The following SLC4A8 variants were observed in gnomAD, a reference collection of about 807,000 sequenced individuals.
SLC4A8 encodes electroneutral sodium bicarbonate exchanger 1.
In SLC4A8, 40 loss-of-function variants were observed where a neutral mutation model predicts 125.0. The observed-to-expected ratio is 0.32, with a 90% CI of 0.25 to 0.42. The LOEUF (loss-of-function observed/expected upper bound fraction) is 0.42. SLC4A8 is among the 10% of genes least tolerant of loss of function. The probability of loss-of-function intolerance (pLI) is 1.00; values close to 1 mark genes in which losing one functional copy is unlikely to be tolerated. For synonymous variants in SLC4A8, 456 were observed against 476.0 expected, an observed-to-expected ratio of 0.96 and a Z score of 0.55; for missense variants, 863 against 1,355.1, an observed-to-expected ratio of 0.64 and a Z score of 5.70.
intron 1 of SLC4A8, among the ~76,000 whole-genome samples, chr12:51,425,674 T>G (rs988687660): frequency 1.3e-5 from 2 of 152,132 alleles, no homozygotes; most frequent in African/African-American, 4.8e-5. Context: ...GTAACTGGTA[T>G]TGGAACTGTT....
intron 21 of SLC4A8, among the ~76,000 whole-genome samples, chr12:51,495,828 A>G (rs1276270361): frequency 2.6e-5 from 4 of 152,268 alleles, no homozygotes; most frequent in East Asian, 3.9e-4. Context: ...AGGTTCATCC[A>G]TGTTGTAGCA....
Position 51,471,502 on chromosome 12 carries a change from A to G in SLC4A8, c.1874A>G (p.His625Arg). 2 of 1,614,192 alleles carry G rather than the reference A, an allele frequency of 1.2e-6. No homozygotes were observed. The highest frequency in any genetic ancestry group is 1.7e-6 in the Non-Finnish European group (2 of 1,180,012). ...GCAGAGACCTACCCCATCCACATGC[A>G]CAGCCAGCTGGACCACCTTAGCCTC... ...HLAETYPIHM[H>R]SQLDHLSLYY... The change falls in exon 14 of 25, where the codon CAC (histidine) becomes CGC (arginine). Residue 625 changes from histidine to arginine, a missense_variant. By Grantham distance (29) the His-to-Arg change is conservative (BLOSUM62 0). This residue lies in a region of SLC4A8 where 76 missense variants were observed against 80.2 expected (regional missense o/e 0.95). Transcript: ENST00000453097.
In SLC4A8 at chr12:51,470,349, A is replaced by G. The variant is rs776334650; in HGVS notation, c.1525-43A>G. On this transcript the variant is annotated intron_variant, in intron 12 of 24. Transcript: ENST00000453097. ...TGTAGCTAAGCCAACATTACTCTGT[A>G]CTGATGGGCTATGGACTCAGTGATG... The G allele has an allele frequency of 2.5e-6, 4 of 1,602,046 alleles. No homozygotes were observed. In the East Asian group the frequency reaches 6.7e-5, roughly 27 times the overall value.
chr12:51,395,354 G>A (rs1290208537), intron 1 of SLC4A8, among the ~76,000 whole-genome samples: 3 of 150,484 alleles, frequency 2.0e-5, no homozygotes, highest in Non-Finnish European at 3.0e-5. Flanking sequence ...TTTTTCTCAC[G>A]ATCTTATTTT....
chr12:51,432,785 T>C (rs937253899), intron 1 of SLC4A8, among the ~76,000 whole-genome samples: 8 of 152,108 alleles, frequency 5.3e-5, no homozygotes, highest in African/African-American at 1.9e-4. Flanking sequence ...TTGAAATGGT[T>C]GAATGTATTA....
At chr12:51,500,881 T>C (rs1202983026) in intron 22 of SLC4A8, among the ~76,000 whole-genome samples, 1 of 151,424 alleles carries the variant, frequency 6.6e-6, no homozygotes, top group Admixed American at 6.6e-5. Flanking sequence ...TCTTTCTTTA[T>C]TTTTATTATT....
intron 1 of SLC4A8, among the ~76,000 whole-genome samples, chr12:51,417,838 G>C (rs148114183): frequency 0.031 from 4,721 of 152,224 alleles, 231 homozygotes; most frequent in African/African-American, 0.11. Flanking sequence ...TTTTAGTAGA[G>C]ACAGGGTTTT....
At position 51,395,898 on chromosome 12, in the gene SLC4A8, A is replaced by G. The variant is rs78437216; in HGVS notation, c.-112+4410A>G. 6.6e-4 allele frequency among the ~76,000 whole-genome samples: 101 copies of G among 152,346 alleles called. 4 individuals carry two copies. The East Asian group carries it at 0.018, about 28-fold the overall frequency. ...GTGTGAGAGTTGGGTCTTCTAAATT[A>G]CATCTGCTGCTCTACTTTCCTGCAT... On this transcript the variant is annotated intron_variant, in intron 1 of 24. Transcript: ENST00000358657.
At chr12:51,496,398 G>A (rs1187385417) in intron 21 of SLC4A8, among the ~76,000 whole-genome samples, 1 of 152,144 alleles carries the variant, frequency 6.6e-6, no homozygotes, top group Admixed American at 6.5e-5. Flanking sequence ...TACCTTTATC[G>A]GGGAAATCAG....
intron 16 of SLC4A8, among the ~76,000 whole-genome samples, chr12:51,476,345 G>T (rs571408221): frequency 6.6e-6 from 1 of 152,084 alleles, no homozygotes; most frequent in South Asian, 2.1e-4. Context: ...GTTGGGCATG[G>T]TAGCACATGC....
chr12:51,456,002 G>C (rs1950138945), intron 5 of SLC4A8, among the ~76,000 whole-genome samples: 1 of 152,188 alleles, frequency 6.6e-6, no homozygotes, highest in Admixed American at 6.5e-5. Context: ...TTTGGACAGG[G>C]TAATGATCAA....
intron 1 of SLC4A8, among the ~76,000 whole-genome samples, chr12:51,396,969 G>A (rs1287033058): frequency 6.9e-5 from 8 of 116,512 alleles, no homozygotes; most frequent in Admixed American, 1.2e-4. Flanking sequence ...TCATTCTGTC[G>A]CCCAGGCTGG....
chr12:51,460,294 G>A (rs1169981666), intron 8 of SLC4A8, among the ~76,000 whole-genome samples, 186 bp downstream of exon 8: 2 of 152,106 alleles, frequency 1.3e-5, no homozygotes, highest in East Asian at 3.8e-4. Context: ...GGCTGAGGTG[G>A]GGGATTACTT....
chr12:51,401,122 T>C (rs539166484), intron 1 of SLC4A8, among the ~76,000 whole-genome samples: 16 of 152,006 alleles, frequency 1.1e-4, no homozygotes, highest in African/African-American at 3.4e-4. Context: ...TTTTCTTTTG[T>C]TTGTTTGAGA....
At chr12:51,432,204 C>T (rs934820295) in intron 1 of SLC4A8, among the ~76,000 whole-genome samples, 4 of 143,176 alleles carry the variant, frequency 2.8e-5, no homozygotes, top group Non-Finnish European at 4.6e-5. Flanking sequence ...GTCAGGAGAT[C>T]GAGACCATCC....
At chr12:51,429,630 G>A (rs1232989730) in intron 1 of SLC4A8, among the ~76,000 whole-genome samples, 7 of 152,022 alleles carry the variant, frequency 4.6e-5, no homozygotes, top group African/African-American at 1.7e-4. Flanking sequence ...AGCCTCCCTA[G>A]TAGCTGGAAC....
intron 1 of SLC4A8, among the ~76,000 whole-genome samples, chr12:51,408,629 G>A (rs544856961): frequency 1.3e-5 from 2 of 152,338 alleles, no homozygotes; most frequent in East Asian, 3.9e-4. Flanking sequence ...AGGGGCGACA[G>A]CGCAGGAGCA....
At position 51,515,093 on chromosome 12, in the gene SLC4A8, C is replaced by A. The variant is rs1350212937; in HGVS notation, c.*7655C>A. 1.3e-5 allele frequency: 2 copies of A among 152,350 alleles called. No individual in the cohort carries two copies. Among genetic ancestry groups the A allele is most frequent in the East Asian group, 3.9e-4 (2 of 5,188 alleles). 9.4% of individuals were successfully genotyped at this position (152,350 alleles called of 1,614,324 possible). A position where few individuals can be genotyped will look rare whatever the true frequency, so the allele number is the denominator to read the frequency against. ...TGAGAGAGAGAACTCACCCATGGCA[C>A]TTTTCTGAGCCCAGCAGAAATCAGC... On this transcript the variant is annotated 3_prime_UTR_variant, in exon 25 of 25. Coordinates refer to ENST00000453097, the MANE Select transcript of SLC4A8 (RefSeq NM_001039960.3).
At chr12:51,399,305 A>G (rs1017747427) in intron 1 of SLC4A8, among the ~76,000 whole-genome samples, 1 of 152,180 alleles carries the variant, frequency 6.6e-6, no homozygotes, top group Non-Finnish European at 1.5e-5. Context: ...AAAGCTCAAA[A>G]GTATAGTGAA....
Sources: gnomAD v4.1 joint callset for allele counts (sites outside exome capture counted in the v4.1 genomes callset) on GRCh38, gnomAD v4.1.1 for gene constraint, gnomAD v4.1.1 regional missense constraint, MANE v1.5 for transcripts, NCBI Gene and HGNC (gene_info 2026-07-23, HGNC 2026-07-21) for gene names.